PRKCE: variants seen among roughly 807,000 people sequenced by gnomAD.
PRKCE encodes protein kinase C epsilon, also known as protein kinase C epsilon type.
PRKCE carries 16 observed loss-of-function variants against 85.4 expected under a neutral mutation model. The ratio of observed to expected loss-of-function variants is 0.19; its 90% confidence interval spans 0.13 to 0.28. The LOEUF (loss-of-function observed/expected upper bound fraction) is 0.28, where lower values mean the gene tolerates loss of function less well. Among genes scored for constraint, PRKCE ranks in the 10% least tolerant of loss-of-function variants. PRKCE has a pLI of 1.00. For synonymous variants in PRKCE, 388 were observed against 371.5 expected, an observed-to-expected ratio of 1.04 and a Z score of -0.51; for missense variants, 573 against 975.2, an observed-to-expected ratio of 0.59 and a Z score of 5.49.
chr2:45,871,584 G>C (rs567744154), intron 2 of PRKCE, among the ~76,000 whole-genome samples: 1 of 152,258 alleles, frequency 6.6e-6, no homozygotes, highest in Non-Finnish European at 1.5e-5. Context: ...AGATGATTTA[G>C]AGGTATCTCT....
chr2:46,115,582 A>T (rs568474004), intron 11 of PRKCE, among the ~76,000 whole-genome samples: 1 of 152,370 alleles, frequency 6.6e-6, no homozygotes, highest in East Asian at 1.9e-4. Context: ...TGTATATACA[A>T]CATGGTATCT....
chr2:45,920,940 A>G (rs1339840272), intron 2 of PRKCE, among the ~76,000 whole-genome samples: 1 of 152,190 alleles, frequency 6.6e-6, no homozygotes, highest in Non-Finnish European at 1.5e-5. Context: ...TCCTACCCCC[A>G]TACACATGCC....
rs554478635 is a variant in PRKCE, at chr2:45,994,714, T to G, written c.824-6690T>G. Reference sequence around the variant, plus strand: ...AAAGGACATTTTGCTTGCTTTCAAGTTTTGGCAATTATGAATACAACTGCT... The same window carrying G: ...AAAGGACATTTTGCTTGCTTTCAAGGTTTGGCAATTATGAATACAACTGCT... On this transcript the variant is annotated intron_variant, in intron 6 of 14. Transcript: ENST00000306156. Among the ~76,000 whole-genome samples the G allele has an allele frequency of 7.4e-4, 113 of 152,356 alleles. 3 individuals are homozygous for G. The South Asian group carries it at 0.022, about 30-fold the overall frequency.
chr2:45,850,752 G>C (rs1692181714), intron 2 of PRKCE, among the ~76,000 whole-genome samples: 1 of 152,150 alleles, frequency 6.6e-6, no homozygotes, highest in Non-Finnish European at 1.5e-5. Flanking sequence ...CCTTTGGTGT[G>C]AGCTCATAGG....
At chr2:45,771,702 CGTGTGTGTGTGTGT>C (rs61209033) in intron 1 of PRKCE, among the ~76,000 whole-genome samples, 12 of 146,894 alleles carry the variant, frequency 8.2e-5, no homozygotes, top group South Asian at 2.2e-4. Flanking sequence ...CAGAGTGGGG[CGTGTGTGTGTGTGT>C]GTGTGTGTGT....
At chr2:45,850,869 C>T (rs1232500828) in intron 2 of PRKCE, among the ~76,000 whole-genome samples, 1 of 152,194 alleles carries the variant, frequency 6.6e-6, no homozygotes, top group Non-Finnish European at 1.5e-5. Flanking sequence ...CAGTTGGAAG[C>T]ATCATTTATT....
At chr2:46,010,303 C>T in intron 9 of PRKCE, 41 bp from the exon 10 acceptor site, 1 of 1,512,498 alleles carries the variant, frequency 6.6e-7, no homozygotes. Context: ...CTTTTTATTC[C>T]ATACATGCAT....
intron 1 of PRKCE, among the ~76,000 whole-genome samples, chr2:45,797,887 A>T (rs1687568720): frequency 6.6e-6 from 1 of 152,224 alleles, no homozygotes. Context: ...TCTGGTATTT[A>T]GCTGGATTGT....
intron 10 of PRKCE, among the ~76,000 whole-genome samples, chr2:46,037,377 C>G (rs1707933054): frequency 6.6e-6 from 1 of 152,236 alleles, no homozygotes; most frequent in Non-Finnish European, 1.5e-5. Context: ...TTCCCTTCTT[C>G]CATCAGTCAT....
At chr2:45,893,640 G>A (rs1695906519) in intron 2 of PRKCE, among the ~76,000 whole-genome samples, 2 of 152,048 alleles carry the variant, frequency 1.3e-5, no homozygotes, top group South Asian at 2.1e-4. Flanking sequence ...GGGATTACAG[G>A]CATGAGCCAC....
At chr2:46,181,407 G>A (rs561644904) in intron 14 of PRKCE, among the ~76,000 whole-genome samples, 5 of 152,308 alleles carry the variant, frequency 3.3e-5, no homozygotes, top group African/African-American at 1.2e-4. Flanking sequence ...GGAGATGGGT[G>A]AGCCAAGTCT....
chr2:45,652,426 G>A lies in PRKCE; in HGVS notation c.326G>A (p.Gly109Glu). The A allele has an allele frequency of 1.2e-6, 2 of 1,606,400 alleles. No individual in the cohort carries two copies. The highest frequency in any genetic ancestry group is 1.7e-6 in the Non-Finnish European group (2 of 1,178,538). The change falls in exon 1 of 15, where the codon GGG (glycine) becomes GAG (glutamate). Residue 109 changes from glycine (G) to glutamate (E), a missense_variant. Physicochemically the swap from Gly to Glu is moderately conservative, Grantham distance 98. This residue lies in a region of PRKCE where 100 missense variants were observed against 177.1 expected (regional missense o/e 0.56). Transcript: ENST00000306156. This position sits in a 1 kb window ranked among gnomAD's most constrained non-coding sequence, Gnocchi z 7.7. Reference sequence around the variant, plus strand: ...CAGTTTGAGGAGCTGCTGCAGAACGGGAGCCGCCACTTCGAGGACTGGGTG... The same window carrying A: ...CAGTTTGAGGAGCTGCTGCAGAACGAGAGCCGCCACTTCGAGGACTGGGTG... ...TIQFEELLQN[G>E]SRHFEDWIDL...
chr2:45,819,611 G>A (rs957229862), intron 1 of PRKCE, among the ~76,000 whole-genome samples: 1 of 152,156 alleles, frequency 6.6e-6, no homozygotes, highest in Non-Finnish European at 1.5e-5. Context: ...CAGTCCAGGT[G>A]ATTGGATGGA....
chr2:45,761,196 G>A (rs1203148582), intron 1 of PRKCE, among the ~76,000 whole-genome samples: 2 of 151,786 alleles, frequency 1.3e-5, no homozygotes, highest in Non-Finnish European at 2.9e-5. Context: ...GTGTGGTGGT[G>A]GGCGCCTGTG....
At position 45,716,643 on chromosome 2, in the gene PRKCE, A is replaced by G. The variant is rs541036618; in HGVS notation, c.348+64195A>G. ...AAGAAGGAGAAGGAGAAGAAGAAGA[A>G]GAAGAAGAAGGAGAAGGAGAAGAAA... On this transcript the variant is annotated intron_variant, in intron 1 of 14. Transcript: ENST00000306156. Among the ~76,000 whole-genome samples, 15 of 149,032 alleles carry G rather than the reference A, an allele frequency of 1.0e-4. No homozygotes were observed. In the East Asian group the frequency reaches 2.8e-3, roughly 28 times the overall value.
chr2:45,965,962 G>A (rs2104455867), intron 2 of PRKCE, among the ~76,000 whole-genome samples: 1 of 152,146 alleles, frequency 6.6e-6, no homozygotes, highest in East Asian at 1.9e-4. Context: ...TCTTTTCTAA[G>A]TATCTAGGTG....
intron 10 of PRKCE, among the ~76,000 whole-genome samples, chr2:46,064,535 A>G (rs1368407349): frequency 6.6e-6 from 1 of 152,188 alleles, no homozygotes; most frequent in East Asian, 1.9e-4. Flanking sequence ...AGCATGAGGG[A>G]TTTAGATTTT....
At chr2:45,878,683 C>T (rs1363266946) in intron 2 of PRKCE, among the ~76,000 whole-genome samples, 2 of 152,124 alleles carry the variant, frequency 1.3e-5, no homozygotes, top group African/African-American at 2.4e-5. Context: ...ACTCAAATAA[C>T]CTACTCTGCC....
intron 2 of PRKCE, among the ~76,000 whole-genome samples, chr2:45,960,825 A>G (rs1045225959): frequency 1.3e-5 from 2 of 151,950 alleles, no homozygotes; most frequent in East Asian, 3.9e-4. Context: ...CTCCTGCCTC[A>G]CTCTCCTTGC....
Sources: allele counts gnomAD v4.1 joint callset (sites outside exome capture counted in the v4.1 genomes callset), GRCh38; gene constraint gnomAD v4.1.1; regional missense constraint gnomAD v4.1.1; non-coding constraint Gnocchi (gnomAD v3.1); transcripts MANE v1.5; gene names NCBI Gene and HGNC (gene_info 2026-07-23, HGNC 2026-07-21).